The following CAMK1D variants were observed in gnomAD, a reference collection of about 807,000 sequenced individuals.
CAMK1D encodes calcium/calmodulin-dependent protein kinase type 1D.
A neutral mutation model predicts 47.7 loss-of-function variants in CAMK1D; 9 were observed. That is an observed-to-expected ratio of 0.19 (90% CI 0.11 to 0.33). The LOEUF (loss-of-function observed/expected upper bound fraction) is 0.33. Among genes scored for constraint, CAMK1D ranks in the 10% least tolerant of loss-of-function variants. The pLI, the probability that CAMK1D is intolerant of heterozygous loss-of-function variation, is 1.00. For synonymous variants in CAMK1D, 184 were observed against 184.9 expected (o/e 0.99, Z 0.04); for missense variants, 291 against 488.7 (o/e 0.60, Z 3.81).
intron 3 of CAMK1D, among the ~76,000 whole-genome samples, chr10:12,753,652 G>A (rs1031267280): frequency 2.0e-5 from 3 of 152,162 alleles, no homozygotes; most frequent in African/African-American, 7.2e-5. Flanking sequence ...CCTCGTTCCT[G>A]TCCTTCAGAG....
chr10:12,604,120 C>G (rs1838382862), intron 2 of CAMK1D, among the ~76,000 whole-genome samples: 1 of 152,116 alleles, frequency 6.6e-6, no homozygotes, highest in Non-Finnish European at 1.5e-5. Context: ...ATCATAAATA[C>G]TTATCTGTCT....
At chr10:12,436,690 C>CATCT (rs1208715467) in intron 1 of CAMK1D, among the ~76,000 whole-genome samples, 1 of 152,190 alleles carries the variant, frequency 6.6e-6, no homozygotes, top group Non-Finnish European at 1.5e-5. Flanking sequence ...CCCATGGGGG[C>CATCT]ATCTGTGTGG....
intron 1 of CAMK1D, among the ~76,000 whole-genome samples, chr10:12,381,622 A>G (rs1207415161): frequency 6.6e-6 from 1 of 152,208 alleles, no homozygotes; most frequent in Admixed American, 6.5e-5. Flanking sequence ...CACTGCACCC[A>G]GCCAATTCTC....
chr10:12,364,133 A>T (rs1837763787), intron 1 of CAMK1D, among the ~76,000 whole-genome samples: 1 of 152,058 alleles, frequency 6.6e-6, no homozygotes, highest in Non-Finnish European at 1.5e-5. Flanking sequence ...ACCTCATTTA[A>T]CAGACAAGGA....
At chr10:12,637,714 A>G (rs1417915545) in intron 2 of CAMK1D, among the ~76,000 whole-genome samples, 1 of 152,148 alleles carries the variant, frequency 6.6e-6, no homozygotes, top group East Asian at 1.9e-4. Context: ...GTTGAAGAAC[A>G]TGGTGAGGAA....
intron 1 of CAMK1D, among the ~76,000 whole-genome samples, chr10:12,478,353 G>A (rs1174362030): frequency 2.0e-5 from 3 of 152,118 alleles, no homozygotes; most frequent in Non-Finnish European, 2.9e-5. Context: ...ACCCAGGCTA[G>A]AGTGTTGGTG....
intron 1 of CAMK1D, among the ~76,000 whole-genome samples, chr10:12,390,034 G>T (rs1838667653): frequency 6.6e-6 from 1 of 152,072 alleles, no homozygotes; most frequent in South Asian, 2.1e-4. Context: ...TGGTGATCTT[G>T]GGGGGAATTT....
chr10:12,801,342 TATC>T (rs1212296498), intron 6 of CAMK1D, among the ~76,000 whole-genome samples: 50 of 96,382 alleles, frequency 5.2e-4, no homozygotes, highest in African/African-American at 1.6e-3. Flanking sequence ...TCTATCTATC[TATC>T]TATCTATCTT....
chr10:12,715,857 G>A lies in CAMK1D; in HGVS notation c.300-45091G>A, dbSNP rs1266886883. Among the ~76,000 whole-genome samples, 4 of 151,280 alleles carry A rather than the reference G, an allele frequency of 2.6e-5. No homozygotes were observed. In the East Asian group the frequency reaches 5.8e-4, roughly 22 times the overall value. ...CCCAAGTAGCTGGGATTACAGGTGCGCGCCACGATGCCTAGCTAATTTCTG... is the reference window on the plus strand; with the variant it reads ...CCCAAGTAGCTGGGATTACAGGTGCACGCCACGATGCCTAGCTAATTTCTG... On this transcript the variant is annotated intron_variant, in intron 3 of 10. Transcript: ENST00000619168.
intron 1 of CAMK1D, among the ~76,000 whole-genome samples, chr10:12,524,340 AG>A (rs1475801714): frequency 2.6e-5 from 4 of 152,234 alleles, no homozygotes; most frequent in African/African-American, 9.6e-5. Flanking sequence ...AAAATCTAAA[AG>A]TCCTATAACC....
rs750447013 is a variant in CAMK1D, at chr10:12,672,896, C to CTTTTTTTT, written c.299+6098_299+6105dup. 1.7e-4 allele frequency among the ~76,000 whole-genome samples: 13 copies of CTTTTTTTT among 76,496 alleles called. 1 individual carries two copies. The highest frequency in any genetic ancestry group is 4.4e-4 in the African/African-American group (7 of 15,852). The allele number at this position is 76,496 out of a possible 152,430, so 50.2% of individuals were successfully genotyped here. ...CATGTAAGTTTTAGAATAGGCTTGC[C>CTTTTTTTT]TTTTTTTTTTTTTTTTTTTAGTCAG... On this transcript the variant is annotated intron_variant, in intron 3 of 10. Transcript: ENST00000619168.
intron 2 of CAMK1D, among the ~76,000 whole-genome samples, chr10:12,566,022 C>G (rs1837113281): frequency 6.6e-6 from 1 of 152,146 alleles, no homozygotes; most frequent in Non-Finnish European, 1.5e-5. Context: ...GAGTTTGCAT[C>G]AGACTCCTGC....
chr10:12,739,801 C>T (rs1380422742), intron 3 of CAMK1D, among the ~76,000 whole-genome samples: 1 of 152,106 alleles, frequency 6.6e-6, no homozygotes, highest in Non-Finnish European at 1.5e-5. Flanking sequence ...CTCTCTCGGT[C>T]TTGGTTCGTT....
At chr10:12,350,662 A>G (rs1047391382) in intron 1 of CAMK1D, among the ~76,000 whole-genome samples, 1 of 152,220 alleles carries the variant, frequency 6.6e-6, no homozygotes. Flanking sequence ...CGCTCCAAGC[A>G]TGTGCTGCTC....
chr10:12,573,344 G>A (rs910903129), intron 2 of CAMK1D, among the ~76,000 whole-genome samples: 1 of 152,212 alleles, frequency 6.6e-6, no homozygotes, highest in Non-Finnish European at 1.5e-5. Context: ...TGATGGAGAC[G>A]ATGCTTTTTA....
At chr10:12,540,530 C>T (rs925641044) in intron 1 of CAMK1D, among the ~76,000 whole-genome samples, 2 of 152,182 alleles carry the variant, frequency 1.3e-5, no homozygotes, top group Non-Finnish European at 2.9e-5. Flanking sequence ...CGCAGAAACA[C>T]CTGCAGAAAC....
At position 12,766,107 on chromosome 10, in the gene CAMK1D, G is replaced by A. The variant is rs1307128920; in HGVS notation, c.439-3566G>A. Reference sequence around the variant, plus strand: ...CAGCCTCCCTAGTAGCTGGGATTACGGGCATGTGCCACCACGCCCGGCTAG... The same window carrying A: ...CAGCCTCCCTAGTAGCTGGGATTACAGGCATGTGCCACCACGCCCGGCTAG... On this transcript the variant is annotated intron_variant, in intron 4 of 10. Transcript: ENST00000619168. 5.3e-5 allele frequency among the ~76,000 whole-genome samples: 8 copies of A among 151,708 alleles called. No homozygotes were observed. The East Asian group carries it at 5.8e-4, about 11-fold the overall frequency.
chr10:12,638,875 G>A (rs1366402166), intron 2 of CAMK1D, among the ~76,000 whole-genome samples: 2 of 152,144 alleles, frequency 1.3e-5, no homozygotes, highest in Non-Finnish European at 2.9e-5. Context: ...GTTCACCTCC[G>A]TAGTCCCCGT....
At chr10:12,772,200 C>G (rs983687201) in intron 5 of CAMK1D, among the ~76,000 whole-genome samples, 1 of 151,816 alleles carries the variant, frequency 6.6e-6, no homozygotes, top group Non-Finnish European at 1.5e-5. Flanking sequence ...GTGGTATATT[C>G]ATGGAATTTC....
Sources: allele counts gnomAD v4.1 joint callset (sites outside exome capture counted in the v4.1 genomes callset), GRCh38; gene constraint gnomAD v4.1.1; transcripts MANE v1.5; gene names NCBI Gene and HGNC (gene_info 2026-07-23, HGNC 2026-07-21).